GALNT6: variants seen among roughly 807,000 people sequenced by gnomAD.
GALNT6 encodes polypeptide N-acetylgalactosaminyltransferase 6, also known as GalNAc transferase 6.
In GALNT6, 51 loss-of-function variants were observed where a neutral mutation model predicts 65.9. The observed-to-expected ratio is 0.77, with a 90% confidence interval of 0.62 to 0.98. The LOEUF is 0.98. GALNT6 is among the 50% of genes least tolerant of loss of function. GALNT6 has a pLI of 0.00. For missense variants in GALNT6, 708 were observed against 803.3 expected (o/e 0.88, Z 1.43); for synonymous variants, 323 against 315.1 (o/e 1.02, Z -0.26).
chr12:51,372,454 C>T (rs1472227389), intron 4 of GALNT6, among the ~76,000 whole-genome samples: 2 of 152,106 alleles, frequency 1.3e-5, no homozygotes, highest in South Asian at 2.1e-4. Flanking sequence ...AGTGATTTTC[C>T]CACCTCAGCC....
chr12:51,351,559 G>A lies in GALNT6; in HGVS notation c.*2820C>T, dbSNP rs764760650. ...TCTTAGGTCAAACATTGCCATCTTT[G>A]TGAGGCCTTATCTGATTCCCTAAGT... On this transcript the variant is annotated 3_prime_UTR_variant, in exon 12 of 12. Transcript: ENST00000356317. The A allele has an allele frequency of 6.6e-6, 1 of 152,230 alleles. No individual in the cohort carries two copies. The highest frequency in any genetic ancestry group is 1.5e-5 in the Non-Finnish European group (1 of 68,048). 9.4% of individuals were successfully genotyped at this position (152,230 alleles called of 1,614,324 possible).
Position 51,355,812 on chromosome 12 carries a change from C to A in GALNT6, c.1749G>T (p.Leu583Phe). 1 of 1,612,946 alleles carries A rather than the reference C, an allele frequency of 6.2e-7. No homozygotes were observed. Among genetic ancestry groups the A allele is most frequent in the South Asian group, 1.1e-5 (1 of 91,022 alleles). ...TTTCTGGACACTGACTCACCTGGGC[C>A]AATTCCCATTCCTCGTCCTTGGGGA... is the stretch of plus-strand genomic sequence containing the variant. ...SQVPKDEEWE[L>F]AQDQLIRNSG... The change falls in exon 11 of 12, where the codon TTG (leucine) becomes TTT (phenylalanine). Residue 583 changes from leucine to phenylalanine, a missense_variant. Physicochemically the swap from Leu to Phe is conservative, Grantham distance 22. Coordinates refer to ENST00000356317, the MANE Select transcript of GALNT6 (RefSeq NM_007210.4).
Position 51,379,581 on chromosome 12 carries a change from T to C in GALNT6, c.201A>G (p.Ser67=). Residue 67 remains serine (S), a synonymous_variant, in exon 3 of 12, where the codon TCA becomes TCG. Coordinates refer to ENST00000356317, the MANE Select transcript of GALNT6 (RefSeq NM_007210.4). ...MLEAMNNLRD[S]MPKLQIRAPE... ...GAGCCCTGATTTGGAGCTTGGGCAT[T>C]GAATCTCTAAGGTTGTTCATGGCCT... 6.2e-7 allele frequency: 1 copy of C among 1,614,096 alleles called. No homozygotes were observed. Among genetic ancestry groups the C allele is most frequent in the Non-Finnish European group, 8.5e-7 (1 of 1,179,960 alleles).
In GALNT6 at chr12:51,379,890, AAAG is replaced by A; in HGVS notation, c.-103-9_-103-7del. On this transcript the variant is annotated splice_region_variant and splice_polypyrimidine_tract_variant and intron_variant, in intron 2 of 11. Coordinates refer to ENST00000356317, the MANE Select transcript of GALNT6 (RefSeq NM_007210.4). The stretch of plus-strand genomic sequence containing the variant: ...CCACAAGCTGGGGCCTCAGCCTGAG[AAAG>A]GAGGGGACAAGAGAGAGAAGTGAGC... The A allele has an allele frequency of 1.1e-5, 13 of 1,153,196 alleles. No homozygotes were observed. The highest frequency in any genetic ancestry group is 1.6e-5 in the Non-Finnish European group (13 of 835,920). The allele number at this position is 1,153,196 out of a possible 1,614,324, so 71.4% of individuals were successfully genotyped here. A position where few individuals can be genotyped will look rare whatever the true frequency, so the allele number is the denominator to read the frequency against.
At position 51,359,148 on chromosome 12, in the gene GALNT6, G is replaced by T; in HGVS notation, c.1352C>A (p.Ala451Glu). Residue 451 changes from alanine to glutamate, a missense_variant, in exon 8 of 12, where the codon GCA becomes GAA. Physicochemically the swap from Ala to Glu is moderately radical, Grantham distance 107. Transcript: ENST00000356317. ...TCCTCTCACCTCTTGGGCCATCTTT[G>T]CTGCCTGCAGATTTCTCCTATAGAA... is the stretch of plus-strand genomic sequence containing the variant. ...KIFYRRNLQA[A>E]KMAQEKSFGD... is the part of the protein sequence containing the mutation. 1 of 1,613,748 alleles carries T rather than the reference G, an allele frequency of 6.2e-7. No homozygotes were observed. The highest frequency in any genetic ancestry group is 8.5e-7 in the Non-Finnish European group (1 of 1,179,660).
intron 4 of GALNT6, 111 bp from the exon 5 acceptor site, chr12:51,365,690 C>A: frequency 9.4e-7 from 1 of 1,062,990 alleles, no homozygotes; most frequent in Non-Finnish European, 1.4e-6. Flanking sequence ...AATTTTAAAC[C>A]CCCAACACCT....
chr12:51,365,848 T>G (rs1362266792), intron 4 of GALNT6, among the ~76,000 whole-genome samples: 2 of 152,194 alleles, frequency 1.3e-5, no homozygotes, highest in Admixed American at 6.5e-5. Context: ...CCTGTTCACC[T>G]GGGCACCCTC....
chr12:51,357,284 CTT>C, intron 10 of GALNT6, 63 bp downstream of exon 10: 1 of 1,068,586 alleles, frequency 9.4e-7, no homozygotes, highest in East Asian at 2.4e-5. Context: ...GGAAAGGACT[CTT>C]TAGGGTAGAG....
Position 51,358,150 on chromosome 12 carries a change from T to C in GALNT6, c.1480A>G (p.Thr494Ala). ...CTTACGGCACCATAGAAGGTGGGCG[T>C]CAGGTCAGGAACAAACATCTCTGGG... The part of the protein sequence containing the change: ...VYPEMFVPDL[T>A]PTFYGAIKNL... Residue 494 changes from threonine (T) to alanine (A), a missense_variant, in exon 9 of 12, where the codon ACG becomes GCG. Coordinates refer to ENST00000356317, the MANE Select transcript of GALNT6 (RefSeq NM_007210.4). 1 of 1,613,616 alleles carries C rather than the reference T, an allele frequency of 6.2e-7. No individual in the cohort carries two copies. The highest frequency in any genetic ancestry group is 8.5e-7 in the Non-Finnish European group (1 of 1,179,724).
chr12:51,353,951 G>A lies in GALNT6; in HGVS notation c.*428C>T, dbSNP rs1414071113. 6.5e-6 allele frequency: 1 copy of A among 153,900 alleles called. No individual in the cohort carries two copies. The highest frequency in any genetic ancestry group is 1.4e-5 in the Non-Finnish European group (1 of 69,618). 9.5% of individuals were successfully genotyped at this position (153,900 alleles called of 1,614,324 possible). A position where few individuals can be genotyped will look rare whatever the true frequency, so the allele number is the denominator to read the frequency against. On this transcript the variant is annotated 3_prime_UTR_variant, in exon 12 of 12. Transcript: ENST00000356317. ...CCGGGGGGAGGGTGGGCGTAGAGAT[G>A]GGATCCTCACTATGTTGCTCAGGCC...
chr12:51,361,956 C>T (rs1946936948), intron 6 of GALNT6, among the ~76,000 whole-genome samples: 1 of 152,174 alleles, frequency 6.6e-6, no homozygotes, highest in African/African-American at 2.4e-5. Flanking sequence ...ATCAAGGTGC[C>T]TACCCAGGAA....
intron 11 of GALNT6, among the ~76,000 whole-genome samples, chr12:51,355,460 A>G (rs1225470608): frequency 6.6e-6 from 1 of 152,010 alleles, no homozygotes; most frequent in Admixed American, 6.6e-5. Flanking sequence ...TGTGGCCTCA[A>G]GTTCTCTTTT....
At chr12:51,383,392 G>C (rs1947732517) in intron 2 of GALNT6, 1 of 152,136 alleles carries the variant, frequency 6.6e-6, no homozygotes, top group African/African-American at 2.4e-5. Context: ...CAAGAAAGAG[G>C]GAGCACAGTT....
intron 2 of GALNT6, among the ~76,000 whole-genome samples, chr12:51,382,887 G>A (rs1003825257): frequency 6.6e-6 from 1 of 152,022 alleles, no homozygotes; most frequent in Admixed American, 6.6e-5. Context: ...GTACACAGAG[G>A]GACACAAAGG....
intron 6 of GALNT6, among the ~76,000 whole-genome samples, chr12:51,361,438 G>C (rs1464664893): frequency 6.6e-6 from 1 of 152,220 alleles, no homozygotes; most frequent in Non-Finnish European, 1.5e-5. Flanking sequence ...AGAAACTGTA[G>C]ATTTGGGGAG....
chr12:51,363,392 C>T (rs982834878), intron 6 of GALNT6, among the ~76,000 whole-genome samples: 8 of 152,114 alleles, frequency 5.3e-5, no homozygotes. Flanking sequence ...CAGGGGCTGG[C>T]ACACAAGAGC....
chr12:51,367,327 C>T (rs1202601514), intron 4 of GALNT6, among the ~76,000 whole-genome samples: 7 of 152,034 alleles, frequency 4.6e-5, no homozygotes, highest in African/African-American at 1.2e-4. Context: ...CCCAGCTACT[C>T]GGGAGGCTGA....
chr12:51,367,080 A>G (rs1299776096), intron 4 of GALNT6, among the ~76,000 whole-genome samples: 1 of 152,116 alleles, frequency 6.6e-6, no homozygotes, highest in African/African-American at 2.4e-5. Context: ...CCTGACCAAC[A>G]TGGAGAAACC....
chr12:51,378,854 C>T (rs147599282), intron 3 of GALNT6, among the ~76,000 whole-genome samples: 8 of 150,882 alleles, frequency 5.3e-5, no homozygotes, highest in African/African-American at 1.9e-4. Flanking sequence ...ATATTCCTAA[C>T]CACCAGGGTT....
Sources: allele counts gnomAD v4.1 joint callset (sites outside exome capture counted in the v4.1 genomes callset), GRCh38; gene constraint gnomAD v4.1.1; transcripts MANE v1.5; gene names NCBI Gene and HGNC (gene_info 2026-07-23, HGNC 2026-07-21).